Variants in GRIA1 observed in about 807,000 individuals in gnomAD.
The protein encoded by GRIA1 is glutamate receptor 1.
Under a neutral mutation model 99.2 loss-of-function variants are expected in GRIA1, and 31 were observed. The observed-to-expected ratio is 0.31, with a 90% CI of 0.23 to 0.42. The LOEUF (loss-of-function observed/expected upper bound fraction) is 0.42. Ranked by LOEUF, GRIA1 falls within the 10% of genes least tolerant of loss-of-function variation. GRIA1 has a pLI of 1.00. For synonymous variants in GRIA1, 438 were observed against 432.4 expected, an observed-to-expected ratio of 1.01 and a Z score of -0.16; for missense variants, 782 against 1,157.5, an observed-to-expected ratio of 0.68 and a Z score of 4.71.
chr5:153,553,252 A>G (rs1017066627), intron 2 of GRIA1, among the ~76,000 whole-genome samples: 19 of 152,180 alleles, frequency 1.2e-4, no homozygotes, highest in African/African-American at 4.6e-4. Flanking sequence ...ATGATGGTAG[A>G]TGTGTTACTG....
chr5:153,647,248 C>T (rs1754222168), intron 3 of GRIA1, 81 bp downstream of exon 3: 2 of 1,473,086 alleles, frequency 1.4e-6, no homozygotes, highest in African/African-American at 1.4e-5. Flanking sequence ...TGCCTCACTG[C>T]TTCCCTGAAA....
chr5:153,537,802 C>A (rs961211063), intron 2 of GRIA1, among the ~76,000 whole-genome samples: 2 of 152,174 alleles, frequency 1.3e-5, no homozygotes, highest in Non-Finnish European at 2.9e-5. Flanking sequence ...CTTTTATCTG[C>A]AGGTTGATAA....
intron 2 of GRIA1, among the ~76,000 whole-genome samples, chr5:153,587,732 G>C (rs1289060924): frequency 6.6e-6 from 1 of 152,144 alleles, no homozygotes; most frequent in African/African-American, 2.4e-5. Context: ...TGTCTGCTCT[G>C]TCCCAGGCAA....
intron 2 of GRIA1, among the ~76,000 whole-genome samples, chr5:153,525,803 G>A (rs1757539357): frequency 6.6e-6 from 1 of 152,140 alleles, no homozygotes; most frequent in South Asian, 2.1e-4. Context: ...GACTTCTCAA[G>A]ATAGTTTTCC....
intron 2 of GRIA1, among the ~76,000 whole-genome samples, chr5:153,520,047 T>C (rs1756997796): frequency 6.6e-6 from 1 of 152,108 alleles, no homozygotes. Context: ...GTAGTAACAA[T>C]AGCTAATGTG....
At chr5:153,556,254 C>CT (rs1760633707) in intron 2 of GRIA1, among the ~76,000 whole-genome samples, 2 of 150,594 alleles carry the variant, frequency 1.3e-5, no homozygotes, top group South Asian at 4.2e-4. Flanking sequence ...AAAGTTGGTC[C>CT]TTTTAGGAAT....
intron 2 of GRIA1, among the ~76,000 whole-genome samples, chr5:153,569,739 A>G (rs1761952567): frequency 6.6e-6 from 1 of 152,126 alleles, no homozygotes; most frequent in Non-Finnish European, 1.5e-5. Context: ...TGGGCATTGA[A>G]CTATTAAGAT....
At chr5:153,799,981 CCTT>C (rs1414552966) in intron 14 of GRIA1, among the ~76,000 whole-genome samples, 2 of 152,162 alleles carry the variant, frequency 1.3e-5, no homozygotes, top group African/African-American at 4.8e-5. Context: ...CCTCTTAGGG[CCTT>C]TTGAAGATAA....
At chr5:153,618,408 T>A (rs780027137) in intron 2 of GRIA1, among the ~76,000 whole-genome samples, 3 of 152,338 alleles carry the variant, frequency 2.0e-5, no homozygotes, top group African/African-American at 4.8e-5. Context: ...ACTGCAAAGC[T>A]ATATAAATGT....
chr5:153,641,935 A>G (rs1383102995), intron 2 of GRIA1, among the ~76,000 whole-genome samples: 1 of 152,184 alleles, frequency 6.6e-6, no homozygotes, highest in African/African-American at 2.4e-5. Flanking sequence ...CTGGTTTACC[A>G]CTGTATCTCC....
At chr5:153,688,394 G>A (rs1757489994) in intron 8 of GRIA1, among the ~76,000 whole-genome samples, 1 of 152,154 alleles carries the variant, frequency 6.6e-6, no homozygotes, top group African/African-American at 2.4e-5. Context: ...CATTTTTGTT[G>A]TCCCATGGTC....
intron 13 of GRIA1, among the ~76,000 whole-genome samples, chr5:153,779,094 G>C (rs1764469322): frequency 6.6e-6 from 1 of 152,148 alleles, no homozygotes; most frequent in South Asian, 2.1e-4. Context: ...AGAGGGTGGG[G>C]TAGGGGAGCC....
At chr5:153,536,437 AGACT>A (rs918998189) in intron 2 of GRIA1, among the ~76,000 whole-genome samples, 2 of 152,142 alleles carry the variant, frequency 1.3e-5, no homozygotes, top group African/African-American at 4.8e-5. Flanking sequence ...CATGACTGTT[AGACT>A]GACAGCTCCT....
In GRIA1 at chr5:153,783,128, A is replaced by G. The variant is rs117478981; in HGVS notation, c.2271-11493A>G. Among the ~76,000 whole-genome samples, 83 of 152,252 alleles carry G rather than the reference A, an allele frequency of 5.5e-4. 3 individuals carry two copies. The East Asian group carries it at 0.014, about 25-fold the overall frequency. ...CCAGCATTGTGACCCTGTGTATTTA[A>G]AAGTCCACAAGAAAATAACGGACCT... On this transcript the variant is annotated intron_variant, in intron 13 of 15. Coordinates refer to ENST00000285900, the MANE Select transcript of GRIA1 (RefSeq NM_000827.4).
Position 153,677,086 on chromosome 5 carries a change from G to A in GRIA1, c.954G>A (p.Gly318=), listed in dbSNP as rs146697277. 6 of 1,585,506 alleles carry A rather than the reference G, an allele frequency of 3.8e-6. No homozygotes were observed. Among genetic ancestry groups the A allele is most frequent in the South Asian group, 1.2e-5 (1 of 86,706 alleles). ...AGAGAATTGATATATCTCGCCGGGG[G>A]AATGCTGGGGATTGTCTGGCTAACC... The part of the protein sequence containing the change: ...RRQRIDISRR[G]NAGDCLANPA... The change falls in exon 7 of 16, where the codon GGG becomes GGA. Residue 318 remains glycine, a synonymous_variant. Transcript: ENST00000285900.
intron 11 of GRIA1, among the ~76,000 whole-genome samples, chr5:153,760,795 C>A (rs966249320): frequency 3.3e-5 from 5 of 152,162 alleles, no homozygotes; most frequent in African/African-American, 4.8e-5. Flanking sequence ...CTATAGTAAC[C>A]AAAACAGGAT....
At chr5:153,658,586 G>T (rs1436954467) in intron 5 of GRIA1, among the ~76,000 whole-genome samples, 1 of 152,176 alleles carries the variant, frequency 6.6e-6, no homozygotes, top group Non-Finnish European at 1.5e-5. Context: ...CGAGTATGTG[G>T]TGTGTTTTCT....
intron 2 of GRIA1, among the ~76,000 whole-genome samples, chr5:153,495,841 TG>T (rs1039756628): frequency 6.6e-6 from 1 of 152,230 alleles, no homozygotes; most frequent in African/African-American, 2.4e-5. Context: ...TTAGGGTCTT[TG>T]GAAGGGGCAT....
At chr5:153,548,535 A>T (rs1759816474) in intron 2 of GRIA1, among the ~76,000 whole-genome samples, 1 of 152,180 alleles carries the variant, frequency 6.6e-6, no homozygotes, top group South Asian at 2.1e-4. Context: ...TTCTCTAGAT[A>T]CAGAAATATT....
Sources: allele counts gnomAD v4.1 joint callset (sites outside exome capture counted in the v4.1 genomes callset), GRCh38; gene constraint gnomAD v4.1.1; transcripts MANE v1.5; gene names NCBI Gene and HGNC (gene_info 2026-07-23, HGNC 2026-07-21).